Variants in SNTB1 observed in about 807,000 individuals in gnomAD.
The protein encoded by SNTB1 is syntrophin beta 1.
In SNTB1, 36 loss-of-function variants were observed where a neutral mutation model predicts 48.9. The observed-to-expected ratio is 0.74, with a 90% CI of 0.56 to 0.97. The LOEUF (loss-of-function observed/expected upper bound fraction) is 0.97. Among genes scored for constraint, SNTB1 ranks in the 50% least tolerant of loss-of-function variants. The pLI is 0.00. For synonymous variants in SNTB1, 299 were observed against 294.6 expected, an observed-to-expected ratio of 1.01 and a Z score of -0.15; for missense variants, 786 against 703.4, an observed-to-expected ratio of 1.12 and a Z score of -1.33.
At chr8:120,706,297 T>C (rs189138780) in intron 1 of SNTB1, among the ~76,000 whole-genome samples, 6 of 152,296 alleles carry the variant, frequency 3.9e-5, no homozygotes, top group South Asian at 2.1e-4. Flanking sequence ...AAGCACTTAC[T>C]CTGTGCATTG....
intron 6 of SNTB1, 133 bp downstream of exon 6, chr8:120,541,677 A>C (rs1421904116): frequency 1.8e-6 from 1 of 548,686 alleles, no homozygotes; most frequent in Non-Finnish European, 3.0e-6. Flanking sequence ...ACCGTTTTTC[A>C]AGGATCAAAT....
rs1818333027 is a variant in SNTB1, at chr8:120,703,218, G to A, written c.572-9310C>T. ...TGGCTCACTGCAACCTCCGCCTCCTGGGTTCAAGCGATTCTCCTGCCTCAG... is the reference window on the plus strand; with the variant it reads ...TGGCTCACTGCAACCTCCGCCTCCTAGGTTCAAGCGATTCTCCTGCCTCAG... On this transcript the variant is annotated intron_variant, in intron 1 of 6. Transcript: ENST00000517992. Among the ~76,000 whole-genome samples, 4 of 152,186 alleles carry A rather than the reference G, an allele frequency of 2.6e-5. No homozygotes were observed. The South Asian group carries it at 8.3e-4, about 31-fold the overall frequency.
intron 1 of SNTB1, among the ~76,000 whole-genome samples, chr8:120,773,367 C>T (rs933125104): frequency 1.3e-5 from 2 of 152,124 alleles, no homozygotes; most frequent in African/African-American, 2.4e-5. Flanking sequence ...CAAATAAATA[C>T]ATAAATAATA....
chr8:120,581,088 C>CAAAA (rs775547135), intron 3 of SNTB1, among the ~76,000 whole-genome samples: 17 of 89,986 alleles, frequency 1.9e-4, no homozygotes, highest in African/African-American at 5.2e-4. Context: ...GACCCTGTCT[C>CAAAA]AAAAAAAAAA....
At chr8:120,657,796 A>C (rs1817525766) in intron 2 of SNTB1, among the ~76,000 whole-genome samples, 1 of 152,224 alleles carries the variant, frequency 6.6e-6, no homozygotes, top group Admixed American at 6.5e-5. Flanking sequence ...CTTGCCAGAC[A>C]TGCCAGGAGC....
intron 1 of SNTB1, among the ~76,000 whole-genome samples, chr8:120,742,309 T>A (rs60631202): frequency 0.13 from 20,001 of 152,158 alleles, 1,722 homozygotes; most frequent in African/African-American, 0.24. Flanking sequence ...CCATTGATTC[T>A]AAAAGCAATA....
chr8:120,561,825 C>T (rs1206017127), intron 4 of SNTB1, among the ~76,000 whole-genome samples: 1 of 152,180 alleles, frequency 6.6e-6, no homozygotes, highest in Admixed American at 6.5e-5. Flanking sequence ...TACCATCAGC[C>T]CTGGCTACTA....
intron 2 of SNTB1, among the ~76,000 whole-genome samples, chr8:120,645,435 G>T (rs1315837026): frequency 1.3e-5 from 2 of 150,886 alleles, no homozygotes; most frequent in African/African-American, 2.4e-5. Context: ...TTTCCCCATT[G>T]CTTGTTTTTC....
intron 2 of SNTB1, among the ~76,000 whole-genome samples, chr8:120,691,844 A>G (rs986472714): frequency 3.9e-5 from 6 of 152,216 alleles, no homozygotes; most frequent in African/African-American, 1.2e-4. Context: ...TAGGCACTCA[A>G]TACTACATCA....
chr8:120,768,357 G>A (rs1468116308), intron 1 of SNTB1, among the ~76,000 whole-genome samples: 1 of 152,198 alleles, frequency 6.6e-6, no homozygotes, highest in African/African-American at 2.4e-5. Context: ...GCTTTATAAA[G>A]GGGACATTCT....
chr8:120,685,196 C>G (rs1490375181), intron 2 of SNTB1, among the ~76,000 whole-genome samples: 1 of 152,188 alleles, frequency 6.6e-6, no homozygotes, highest in Non-Finnish European at 1.5e-5. Context: ...GTGGCTCTGC[C>G]CTTATGGCTC....
intron 1 of SNTB1, among the ~76,000 whole-genome samples, chr8:120,771,836 A>G (rs1819640855): frequency 6.6e-6 from 1 of 152,070 alleles, no homozygotes; most frequent in Non-Finnish European, 1.5e-5. Flanking sequence ...CACATTTTGT[A>G]TCTGTTTTAT....
In SNTB1 at chr8:120,753,364, G is replaced by A. The variant is rs139911154; in HGVS notation, c.571+57909C>T. 1.2e-4 allele frequency among the ~76,000 whole-genome samples: 18 copies of A among 152,130 alleles called. No individual in the cohort carries two copies. In the East Asian group the frequency reaches 2.1e-3, roughly 18 times the overall value. On this transcript the variant is annotated intron_variant, in intron 1 of 6. Coordinates refer to ENST00000517992, the MANE Select transcript of SNTB1 (RefSeq NM_021021.4). ...TTTATGCTGTCTTTGGTCTTCCAAT[G>A]CCCACTCCACCTCCCAGACTTGTAA... is the stretch of plus-strand genomic sequence containing the variant.
chr8:120,692,157 C>T (rs149781232), intron 2 of SNTB1, among the ~76,000 whole-genome samples: 13 of 152,168 alleles, frequency 8.5e-5, no homozygotes, highest in African/African-American at 2.4e-4. Flanking sequence ...GTAGGGAGAG[C>T]GGGGTAGAAA....
chr8:120,557,592 CT>C (rs1246876106), intron 4 of SNTB1, among the ~76,000 whole-genome samples: 1 of 152,200 alleles, frequency 6.6e-6, no homozygotes, highest in Admixed American at 6.5e-5. Flanking sequence ...CTGATCTCCT[CT>C]TTGATCTCTT....
chr8:120,637,861 A>C, intron 2 of SNTB1: 1 of 233,126 alleles, frequency 4.3e-6, no homozygotes, highest in Non-Finnish European at 9.2e-6. Context: ...TAATACTCTT[A>C]TTTCTTCTTT....
intron 1 of SNTB1, among the ~76,000 whole-genome samples, chr8:120,695,133 T>C (rs866142096): frequency 6.6e-6 from 1 of 152,216 alleles, no homozygotes; most frequent in Non-Finnish European, 1.5e-5. Context: ...TCTGGTTCAC[T>C]GCTGCCTCAG....
At chr8:120,539,463 G>A (rs56007501) in intron 6 of SNTB1, among the ~76,000 whole-genome samples, 1,572 of 152,232 alleles carry the variant, frequency 0.01, 10 homozygotes, top group Non-Finnish European at 0.015. Flanking sequence ...AAACCTCCTC[G>A]TAAACTGTAA....
chr8:120,576,669 A>T (rs534486097), intron 3 of SNTB1, among the ~76,000 whole-genome samples: 34 of 152,294 alleles, frequency 2.2e-4, no homozygotes, highest in African/African-American at 7.9e-4. Context: ...GGGAGCTAGC[A>T]GGCCTGAACA....
Sources: gnomAD v4.1 joint callset for allele counts (sites outside exome capture counted in the v4.1 genomes callset) on GRCh38, gnomAD v4.1.1 for gene constraint, MANE v1.5 for transcripts, NCBI Gene and HGNC (gene_info 2026-07-23, HGNC 2026-07-21) for gene names.